Variants in PPWD1 observed in about 807,000 individuals in gnomAD.
PPWD1 encodes peptidylprolyl isomerase domain and WD repeat-containing protein 1.
Under a neutral mutation model 68.8 loss-of-function variants are expected in PPWD1, and 43 were observed. The ratio of observed to expected loss-of-function variants is 0.62; its 90% CI spans 0.49 to 0.81. The LOEUF (loss-of-function observed/expected upper bound fraction) is 0.81, where lower values mean the gene tolerates loss of function less well. PPWD1 is among the 30% of genes least tolerant of loss of function. The pLI is 0.00. For synonymous variants in PPWD1, 232 were observed against 258.7 expected, an observed-to-expected ratio of 0.90 and a Z score of 0.99; for missense variants, 672 against 804.8, an observed-to-expected ratio of 0.83 and a Z score of 2.00.
At chr5:65,582,117 C>T (rs974791668) in intron 7 of PPWD1, among the ~76,000 whole-genome samples, 7 of 152,080 alleles carry the variant, frequency 4.6e-5, no homozygotes, top group African/African-American at 1.7e-4. Flanking sequence ...TATTTGGAAT[C>T]TATCCAAGCA....
intron 4 of PPWD1, among the ~76,000 whole-genome samples, chr5:65,570,623 C>A (rs1752969266): frequency 6.6e-6 from 1 of 151,958 alleles, no homozygotes; most frequent in Admixed American, 6.6e-5. Context: ...ATACAGAAAT[C>A]TATTTTCTCA....
chr5:65,585,927 G>A, intron 9 of PPWD1, 72 bp from the exon 10 acceptor site: 1 of 1,551,888 alleles, frequency 6.4e-7, no homozygotes, highest in South Asian at 1.3e-5. Context: ...AGCACTCTTG[G>A]CAGAAATAAA....
chr5:65,571,953 C>T lies in PPWD1; in HGVS notation c.636C>T (p.Asn212=), dbSNP rs1753028114. The change falls in exon 5 of 11, where the codon AAC becomes AAT. Residue 212 remains asparagine, a synonymous_variant. Transcript: ENST00000261308. The part of the protein sequence containing the change: ...KIFIYDGRGD[N]QPLHIFDKLH... ...TCATTTATGATGGCCGAGGAGATAA[C>T]CAGCCACTTCATATTTTTGACAAAC... is the stretch of plus-strand genomic sequence containing the variant. The T allele has an allele frequency of 6.2e-7, 1 of 1,613,942 alleles. No individual in the cohort carries two copies. Among genetic ancestry groups the T allele is most frequent in the Non-Finnish European group, 8.5e-7 (1 of 1,179,872 alleles).
At chr5:65,578,556 T>C (rs1022729304) in intron 6 of PPWD1, among the ~76,000 whole-genome samples, 5 of 152,080 alleles carry the variant, frequency 3.3e-5, no homozygotes, top group African/African-American at 1.2e-4. Context: ...GTATCTTGTT[T>C]TAGTGTGGAT....
chr5:65,565,253 C>T (rs1364918167), intron 1 of PPWD1, among the ~76,000 whole-genome samples: 3 of 152,190 alleles, frequency 2.0e-5, no homozygotes, highest in Non-Finnish European at 4.4e-5. Flanking sequence ...GCTTGGTGTA[C>T]AGTGCTTTGC....
chr5:65,571,106 C>G (rs1282876124), intron 4 of PPWD1, among the ~76,000 whole-genome samples: 1 of 152,054 alleles, frequency 6.6e-6, no homozygotes, highest in Non-Finnish European at 1.5e-5. Context: ...GAATGTTTGC[C>G]CTTTGAGAAT....
chr5:65,579,748 C>A, intron 7 of PPWD1, 135 bp downstream of exon 7: 2 of 526,852 alleles, frequency 3.8e-6, no homozygotes, highest in Non-Finnish European at 6.1e-6. Context: ...TACCATCTTA[C>A]ATTAATATTG....
intron 8 of PPWD1, among the ~76,000 whole-genome samples, chr5:65,584,683 C>A (rs939087282): frequency 6.6e-6 from 1 of 152,000 alleles, no homozygotes. Flanking sequence ...ATAGTGAGAC[C>A]TTGTCTCTTA....
intron 1 of PPWD1, chr5:65,563,995 A>C (rs1752503106): frequency 1.4e-6 from 1 of 713,418 alleles, no homozygotes; most frequent in Non-Finnish European, 2.3e-6. Context: ...AAATTTTCGC[A>C]TCTAGGGAAA....
chr5:65,584,841 C>CATGA (rs1239986755), intron 8 of PPWD1, 173 bp from the exon 9 acceptor site: 4 of 516,852 alleles, frequency 7.7e-6, no homozygotes, highest in Non-Finnish European at 9.9e-6. Context: ...ATACTACTTA[C>CATGA]ATGACCCTCC....
chr5:65,571,699 C>G (rs1753010207), intron 4 of PPWD1, 140 bp from the exon 5 acceptor site: 7 of 1,362,702 alleles, frequency 5.1e-6, no homozygotes, highest in South Asian at 1.5e-5. Context: ...CCTCCCCATT[C>G]TGTGTCTCTG....
chr5:65,565,123 A>AT (rs1267436359), intron 1 of PPWD1, among the ~76,000 whole-genome samples: 2 of 152,212 alleles, frequency 1.3e-5, no homozygotes, highest in African/African-American at 4.8e-5. Context: ...TAACCATTTT[A>AT]TTTATGGCAC....
At position 65,571,827 on chromosome 5, in the gene PPWD1, T is replaced by G. The variant is rs1203725195; in HGVS notation, c.522-12T>G. The G allele has an allele frequency of 1.6e-5, 25 of 1,608,680 alleles. No individual in the cohort carries two copies. The highest frequency in any genetic ancestry group is 2.0e-5 in the Non-Finnish European group (24 of 1,176,654). ...ACCTTTTTTTTTCCCTCTCAATTCTTTACGATTTTAGCTATTTTCCTGGAC... is the reference window on the plus strand; with the variant it reads ...ACCTTTTTTTTTCCCTCTCAATTCTGTACGATTTTAGCTATTTTCCTGGAC... On this transcript the variant is annotated splice_polypyrimidine_tract_variant and intron_variant, in intron 4 of 10. Coordinates refer to ENST00000261308, the MANE Select transcript of PPWD1 (RefSeq NM_015342.4).
At chr5:65,563,529 G>A (rs373950730) in intron 1 of PPWD1, 23 bp downstream of exon 1, 15 of 1,594,040 alleles carry the variant, frequency 9.4e-6, no homozygotes, top group Non-Finnish European at 1.3e-5. Context: ...ATAGTACCGG[G>A]ACGAATTGGA....
chr5:65,585,068 T>C lies in PPWD1; in HGVS notation c.1587T>C (p.Asn529=). 2 of 1,611,994 alleles carry C rather than the reference T, an allele frequency of 1.2e-6. No individual in the cohort carries two copies. The highest frequency in any genetic ancestry group is 1.7e-4 in the Middle Eastern group (1 of 6,030). ...FCVHSRNGYY[N]GHTFHRIIKG... ...TTCACAGCAGAAATGGTTATTATAATGGGCATACATTTCACCGTATAATTA... is the reference window on the plus strand; with the variant it reads ...TTCACAGCAGAAATGGTTATTATAACGGGCATACATTTCACCGTATAATTA... The change falls in exon 9 of 11, where the codon AAT becomes AAC. Residue 529 remains asparagine, a synonymous_variant. Coordinates refer to ENST00000261308, the MANE Select transcript of PPWD1 (RefSeq NM_015342.4).
At chr5:65,586,402 G>A (rs1459052309) in intron 10 of PPWD1, among the ~76,000 whole-genome samples, 1 of 152,152 alleles carries the variant, frequency 6.6e-6, no homozygotes, top group Non-Finnish European at 1.5e-5. Context: ...AATGGACTAC[G>A]ATTCAAGATA....
At chr5:65,583,288 A>T in intron 8 of PPWD1, 69 bp downstream of exon 8, 1 of 1,315,356 alleles carries the variant, frequency 7.6e-7, no homozygotes, top group South Asian at 2.3e-5. Context: ...TGAAGAAACC[A>T]TGCAACTTAA....
At chr5:65,581,305 G>C (rs567874837) in intron 7 of PPWD1, among the ~76,000 whole-genome samples, 2 of 152,022 alleles carry the variant, frequency 1.3e-5, no homozygotes, top group Admixed American at 6.6e-5. Context: ...ATAATTCTTG[G>C]CCAGGAATGG....
At chr5:65,583,343 T>TA (rs1753684064) in intron 8 of PPWD1, 124 bp downstream of exon 8, 4 of 1,118,650 alleles carry the variant, frequency 3.6e-6, no homozygotes, top group East Asian at 2.6e-5. Context: ...AAACGTTTGA[T>TA]AAAAAACATC....
Sources: allele counts gnomAD v4.1 joint callset (sites outside exome capture counted in the v4.1 genomes callset), GRCh38; gene constraint gnomAD v4.1.1; transcripts MANE v1.5; gene names NCBI Gene and HGNC (gene_info 2026-07-23, HGNC 2026-07-21).